Variants in PCSK5 observed in about 807,000 individuals in gnomAD.
The protein encoded by PCSK5 is prohormone convertase 5.
A neutral mutation model predicts 233.2 loss-of-function variants in PCSK5; 129 were observed. The observed-to-expected ratio is 0.55, with a 90% confidence interval of 0.48 to 0.64. PCSK5 has a LOEUF of 0.64. PCSK5 is among the 30% of genes least tolerant of loss of function. The pLI is 0.00. For synonymous variants in PCSK5, 825 were observed against 879.2 expected (o/e 0.94, Z 1.09); for missense variants, 2,076 against 2,430.1 (o/e 0.85, Z 3.06).
At chr9:76,141,052 C>G (rs1321524484) in intron 10 of PCSK5, among the ~76,000 whole-genome samples, 1 of 152,080 alleles carries the variant, frequency 6.6e-6, no homozygotes, top group African/African-American at 2.4e-5. Context: ...AACAACAACT[C>G]TTAATATTTT....
At chr9:76,263,148 G>A (rs567698130) in intron 24 of PCSK5, among the ~76,000 whole-genome samples, 1 of 152,068 alleles carries the variant, frequency 6.6e-6, no homozygotes, top group East Asian at 1.9e-4. Flanking sequence ...GAGAGGATGT[G>A]GAGAAATAGG....
chr9:76,070,808 G>T (rs1221407906), intron 6 of PCSK5, among the ~76,000 whole-genome samples: 1 of 151,996 alleles, frequency 6.6e-6, no homozygotes. Context: ...CCCGTTTGTT[G>T]ATAACCAATA....
chr9:76,266,875 G>A (rs1175815732), intron 24 of PCSK5, among the ~76,000 whole-genome samples: 3 of 148,908 alleles, frequency 2.0e-5, no homozygotes, highest in Non-Finnish European at 4.4e-5. Context: ...CTTTCATTGA[G>A]ACCCTTTGGA....
At chr9:76,233,642 C>T in intron 22 of PCSK5, 46 bp downstream of exon 22, 1 of 1,555,536 alleles carries the variant, frequency 6.4e-7, no homozygotes, top group Non-Finnish European at 8.8e-7. Flanking sequence ...AAACCTGTTC[C>T]TCTTCTGATG....
chr9:76,234,462 G>A (rs921054866), intron 22 of PCSK5, among the ~76,000 whole-genome samples: 2 of 152,176 alleles, frequency 1.3e-5, no homozygotes, highest in Non-Finnish European at 2.9e-5. Flanking sequence ...TGGTGGAAGA[G>A]AATTATTGAT....
intron 27 of PCSK5, among the ~76,000 whole-genome samples, chr9:76,297,507 T>C (rs1828477049): frequency 6.6e-6 from 1 of 152,038 alleles, no homozygotes; most frequent in Non-Finnish European, 1.5e-5. Flanking sequence ...GCCCTGCAGG[T>C]GCTCATTCCT....
intron 22 of PCSK5, among the ~76,000 whole-genome samples, chr9:76,234,975 G>A (rs1020174442): frequency 2.0e-5 from 3 of 152,032 alleles, no homozygotes; most frequent in African/African-American, 7.2e-5. Context: ...CCTAGATTAG[G>A]CCTTCACATC....
intron 24 of PCSK5, among the ~76,000 whole-genome samples, chr9:76,252,704 T>A (rs1396514527): frequency 6.6e-6 from 1 of 152,218 alleles, no homozygotes; most frequent in Non-Finnish European, 1.5e-5. Flanking sequence ...GAAGACACCC[T>A]AACCCTTTTC....
At chr9:76,241,991 T>C (rs1384053320) in intron 24 of PCSK5, among the ~76,000 whole-genome samples, 2 of 152,220 alleles carry the variant, frequency 1.3e-5, no homozygotes, top group African/African-American at 4.8e-5. Context: ...GTGAGGCTAA[T>C]GCTGTTCTAT....
intron 9 of PCSK5, among the ~76,000 whole-genome samples, chr9:76,112,464 A>C (rs1372293528): frequency 6.6e-6 from 1 of 152,198 alleles, no homozygotes; most frequent in Non-Finnish European, 1.5e-5. Context: ...GTGCATATTG[A>C]ACATTAGCTG....
chr9:76,040,391 C>CTGTCTCTCTGTCTCTCTG (rs762408005), intron 5 of PCSK5, among the ~76,000 whole-genome samples: 29 of 121,018 alleles, frequency 2.4e-4, no homozygotes, highest in African/African-American at 8.4e-4. Context: ...CTCTGTCTCT[C>CTGTCTCTCTGTCTCTCTG]TCTCTCTCTC....
chr9:76,240,522 T>G (rs1826396810), intron 23 of PCSK5, 94 bp from the exon 24 acceptor site: 1 of 885,056 alleles, frequency 1.1e-6, no homozygotes, highest in South Asian at 1.5e-5. Flanking sequence ...TGATTTACTT[T>G]AAAATAAGCT....
intron 7 of PCSK5, among the ~76,000 whole-genome samples, chr9:76,094,992 T>C (rs1273018961): frequency 6.6e-6 from 1 of 152,242 alleles, no homozygotes; most frequent in Non-Finnish European, 1.5e-5. Flanking sequence ...AAGATAATGT[T>C]AATGGATCTA....
At chr9:76,009,323 C>T (rs35109995) in intron 3 of PCSK5, among the ~76,000 whole-genome samples, 18,471 of 151,828 alleles carry the variant, frequency 0.12, 1,306 homozygotes, top group Middle Eastern at 0.21. Flanking sequence ...TGATGTTCTA[C>T]TTAATGGTTT....
At position 76,193,428 on chromosome 9, in the gene PCSK5, G is replaced by GAA. The variant is rs368878471; in HGVS notation, c.2626+3694_2626+3695dup. 5.6e-3 allele frequency: 3,541 copies of GAA among 627,642 alleles called. 1 individual carries two copies. Among genetic ancestry groups the GAA allele is most frequent in the Middle Eastern group, 7.9e-3 (16 of 2,014 alleles). 38.9% of individuals were successfully genotyped at this position (627,642 alleles called of 1,614,324 possible). On this transcript the variant is annotated intron_variant, in intron 20 of 37. Transcript: ENST00000674117. ...TTATTAAAAAGAAAAAAGCCAAAAA[G>GAA]AAAAAAAAAAAAAGCAAGCCACCTC...
At chr9:76,034,816 A>T (rs1020937867) in intron 5 of PCSK5, among the ~76,000 whole-genome samples, 1 of 152,244 alleles carries the variant, frequency 6.6e-6, no homozygotes, top group Admixed American at 6.5e-5. Context: ...AGTTCGGGAT[A>T]TAAAATATCC....
chr9:76,032,819 C>T (rs1828704484), intron 5 of PCSK5, among the ~76,000 whole-genome samples: 2 of 152,172 alleles, frequency 1.3e-5, no homozygotes, highest in African/African-American at 4.8e-5. Flanking sequence ...CCCTAGGTTA[C>T]TTCCTTTTAG....
intron 9 of PCSK5, among the ~76,000 whole-genome samples, chr9:76,124,493 TCCCAG>T (rs2131723495): frequency 6.6e-6 from 1 of 151,052 alleles, no homozygotes; most frequent in Non-Finnish European, 1.5e-5. Flanking sequence ...ACACCTGTAA[TCCCAG>T]CACTTTGGGA....
chr9:76,031,237 G>A (rs1289086396), intron 5 of PCSK5, among the ~76,000 whole-genome samples: 2 of 152,170 alleles, frequency 1.3e-5, no homozygotes, highest in Non-Finnish European at 2.9e-5. Context: ...AGATAACTCT[G>A]TTTGGATAGT....
Sources: allele counts gnomAD v4.1 joint callset (sites outside exome capture counted in the v4.1 genomes callset), GRCh38; gene constraint gnomAD v4.1.1; transcripts MANE v1.5; gene names NCBI Gene and HGNC (gene_info 2026-07-23, HGNC 2026-07-21).